KCNMB2: variants seen among roughly 807,000 people sequenced by gnomAD.
The protein encoded by KCNMB2 is potassium calcium-activated channel subfamily M regulatory beta subunit 2.
KCNMB2 carries 9 observed loss-of-function variants against 24.5 expected under a neutral mutation model. The observed-to-expected ratio is 0.37, with a 90% CI of 0.22 to 0.64. The LOEUF (loss-of-function observed/expected upper bound fraction) is 0.64, where lower values mean the gene tolerates loss of function less well. Ranked by LOEUF, KCNMB2 falls within the 30% of genes least tolerant of loss-of-function variation. The pLI is 0.63. For synonymous variants in KCNMB2, 109 were observed against 104.4 expected (o/e 1.04, Z -0.27); for missense variants, 226 against 284.3 (o/e 0.79, Z 1.47).
At chr3:178,687,327 T>C (rs1317633831) in intron 1 of KCNMB2, among the ~76,000 whole-genome samples, 2 of 152,108 alleles carry the variant, frequency 1.3e-5, no homozygotes, top group African/African-American at 4.8e-5. Flanking sequence ...AAAGGAAGAT[T>C]AATATTTATA....
chr3:178,571,159 T>A (rs1716764758), intron 1 of KCNMB2, among the ~76,000 whole-genome samples: 1 of 152,126 alleles, frequency 6.6e-6, no homozygotes. Context: ...TTATTCTTTC[T>A]ACTTTTTAGT....
At chr3:178,841,746 A>G (rs536030549) in intron 4 of KCNMB2, 1 of 152,256 alleles carries the variant, frequency 6.6e-6, no homozygotes, top group African/African-American at 2.4e-5. Context: ...CCATGATCCA[A>G]TCACCTCCCA....
Position 178,590,276 on chromosome 3 carries a change from A to G in KCNMB2, c.-68+53565A>G, listed in dbSNP as rs114411687. ...GGGTTTTTGCAAAAAGATTGGGTAG[A>G]ACAATTTTATCTGTACATTTTTTAT... On this transcript the variant is annotated intron_variant, in intron 1 of 4. Coordinates refer to ENST00000452583, the MANE Select transcript of KCNMB2 (RefSeq NM_181361.3). 2.5e-3 allele frequency among the ~76,000 whole-genome samples: 378 copies of G among 152,310 alleles called. 2 individuals carry two copies. The highest frequency in any genetic ancestry group is 4.4e-3 in the Non-Finnish European group (298 of 68,026).
intron 1 of KCNMB2, among the ~76,000 whole-genome samples, chr3:178,580,155 A>C (rs1216780240): frequency 1.3e-5 from 2 of 152,202 alleles, no homozygotes; most frequent in Admixed American, 1.3e-4. Context: ...CCATCAGCAC[A>C]TCAAAAAGCT....
chr3:178,732,996 T>C (rs1012666851), intron 1 of KCNMB2, among the ~76,000 whole-genome samples: 26 of 152,218 alleles, frequency 1.7e-4, no homozygotes, highest in African/African-American at 4.8e-4. Context: ...AGGCCATAGA[T>C]GATGATAGTT....
chr3:178,642,459 C>T (rs1356971086), intron 1 of KCNMB2, among the ~76,000 whole-genome samples: 1 of 152,170 alleles, frequency 6.6e-6, no homozygotes, highest in Non-Finnish European at 1.5e-5. Flanking sequence ...CTGTGCTCCC[C>T]ACCTTCCTCA....
chr3:178,739,447 A>G (rs1418620483), intron 1 of KCNMB2, among the ~76,000 whole-genome samples: 1 of 152,192 alleles, frequency 6.6e-6, no homozygotes. Context: ...TATTGCAGAG[A>G]TGAAAGGACT....
chr3:178,737,903 A>G (rs73051646), intron 1 of KCNMB2, among the ~76,000 whole-genome samples: 4,279 of 152,150 alleles, frequency 0.028, 204 homozygotes, highest in African/African-American at 0.097. Flanking sequence ...GGGCTGTGAG[A>G]TATCGGCATT....
chr3:178,693,745 G>T (rs763614688), intron 1 of KCNMB2, among the ~76,000 whole-genome samples: 2 of 152,088 alleles, frequency 1.3e-5, no homozygotes, highest in African/African-American at 4.8e-5. Context: ...GTATAAGGAT[G>T]ATGCTGGCCT....
At chr3:178,828,943 G>GAC in intron 4 of KCNMB2, among the ~76,000 whole-genome samples, 1 of 144,618 alleles carries the variant, frequency 6.9e-6, no homozygotes, top group Non-Finnish European at 1.5e-5. Context: ...GTGTGTGTGT[G>GAC]TGTGTGTGTG....
intron 1 of KCNMB2, among the ~76,000 whole-genome samples, chr3:178,622,105 T>A (rs376648922): frequency 1.1e-4 from 17 of 152,248 alleles, no homozygotes; most frequent in African/African-American, 3.9e-4. Flanking sequence ...GAGAACAAGA[T>A]TGGCATATAG....
At chr3:178,688,366 T>C (rs1335067314) in intron 1 of KCNMB2, among the ~76,000 whole-genome samples, 1 of 152,172 alleles carries the variant, frequency 6.6e-6, no homozygotes, top group African/African-American at 2.4e-5. Context: ...ATCTTATTGA[T>C]TTAATGATAT....
chr3:178,777,687 C>T (rs1712638735), intron 1 of KCNMB2, among the ~76,000 whole-genome samples: 1 of 152,108 alleles, frequency 6.6e-6, no homozygotes, highest in African/African-American at 2.4e-5. Context: ...TACAATATTT[C>T]AAAGAAATTG....
At chr3:178,613,328 C>T (rs971531495) in intron 1 of KCNMB2, among the ~76,000 whole-genome samples, 5 of 152,192 alleles carry the variant, frequency 3.3e-5, no homozygotes, top group Non-Finnish European at 1.5e-5. Flanking sequence ...ACCCAGGAGG[C>T]AGAGGTTGCC....
intron 1 of KCNMB2, chr3:178,558,727 TTTAG>T (rs1423666498): frequency 4.6e-5 from 7 of 152,190 alleles, no homozygotes; most frequent in Non-Finnish European, 7.3e-5. Context: ...TTTCACTACC[TTTAG>T]TTAGTTGCAC....
chr3:178,764,563 T>C (rs982303337), intron 1 of KCNMB2, among the ~76,000 whole-genome samples: 2 of 152,208 alleles, frequency 1.3e-5, no homozygotes, highest in Non-Finnish European at 2.9e-5. Flanking sequence ...AAATACATTC[T>C]ACGTTACTCA....
intron 1 of KCNMB2, among the ~76,000 whole-genome samples, chr3:178,760,987 C>T (rs988452381): frequency 6.6e-6 from 1 of 152,048 alleles, no homozygotes; most frequent in Non-Finnish European, 1.5e-5. Context: ...GGCTCTAGGG[C>T]CTCGGCATTA....
intron 2 of KCNMB2, among the ~76,000 whole-genome samples, chr3:178,808,031 CAG>C (rs1714043917): frequency 6.6e-6 from 1 of 151,688 alleles, no homozygotes; most frequent in South Asian, 2.1e-4. Context: ...GGAAGGAAAA[CAG>C]AAAGTATGAG....
At chr3:178,745,331 G>A (rs1340955976) in intron 1 of KCNMB2, among the ~76,000 whole-genome samples, 1 of 152,148 alleles carries the variant, frequency 6.6e-6, no homozygotes, top group East Asian at 1.9e-4. Context: ...TCGTATAGGA[G>A]AACTCCCCCT....
Sources: gnomAD v4.1 joint callset for allele counts (sites outside exome capture counted in the v4.1 genomes callset) on GRCh38, gnomAD v4.1.1 for gene constraint, MANE v1.5 for transcripts, NCBI Gene and HGNC (gene_info 2026-07-23, HGNC 2026-07-21) for gene names.